Variants in SGCE observed in about 807,000 individuals in gnomAD.
SGCE encodes the protein sarcoglycan epsilon, also known as epsilon-sarcoglycan.
In SGCE, 26 loss-of-function variants were observed where a neutral mutation model predicts 57.8. That is an observed-to-expected ratio of 0.45 (90% CI 0.33 to 0.62). SGCE has a LOEUF of 0.62. Ranked by LOEUF, SGCE falls within the 20% of genes least tolerant of loss-of-function variation. SGCE has a pLI of 0.02. For missense variants in SGCE, 468 were observed against 548.6 expected (o/e 0.85, Z 1.47); for synonymous variants, 183 against 189.5 (o/e 0.97, Z 0.28).
intron 10 of SGCE, chr7:94,588,472 T>C (rs796882700): frequency 7.3e-7 from 1 of 1,368,478 alleles, no homozygotes; most frequent in African/African-American, 1.5e-5. Context: ...ATGGATGCTT[T>C]TGCTCTAAGA....
At chr7:94,625,180 A>G (rs1191018288) in intron 3 of SGCE, 1 of 152,026 alleles carries the variant, frequency 6.6e-6, no homozygotes, top group Non-Finnish European at 1.5e-5. Flanking sequence ...TAAATATTTC[A>G]GATAAAAATC....
chr7:94,597,075 C>T (rs1219642523), intron 9 of SGCE: 1 of 151,944 alleles, frequency 6.6e-6, no homozygotes, highest in Non-Finnish European at 1.5e-5. Flanking sequence ...TTTATGATGA[C>T]CCATAATAGG....
intron 2 of SGCE, 49 bp downstream of exon 2, chr7:94,629,670 C>A: frequency 6.3e-7 from 1 of 1,597,538 alleles, no homozygotes; most frequent in East Asian, 2.2e-5. Context: ...GCAAATTAAA[C>A]AAAAAATTTA....
At chr7:94,601,805 C>T (rs1053783070) in intron 6 of SGCE, among the ~76,000 whole-genome samples, 6 of 152,006 alleles carry the variant, frequency 3.9e-5, no homozygotes, top group African/African-American at 1.2e-4. Flanking sequence ...TGCACATTGG[C>T]GGCTTGTTGT....
Position 94,614,106 on chromosome 7 carries a change from TCA to T in SGCE, c.662+4650_662+4651del, listed in dbSNP as rs1491118380. ...TAATTTTCTTGTACCCAAATTGAAATCAAAAAAAAAAAAAAAAAAAAAAACAC... is the reference window on the plus strand; with the variant it reads ...TAATTTTCTTGTACCCAAATTGAAATAAAAAAAAAAAAAAAAAAAAAACAC... On this transcript the variant is annotated intron_variant, in intron 5 of 10. Coordinates refer to ENST00000648936, the MANE Select transcript of SGCE (RefSeq NM_003919.3). Among the ~76,000 whole-genome samples the T allele has an allele frequency of 1.7e-3, 94 of 55,134 alleles. 1 individual carries two copies. The highest frequency in any genetic ancestry group is 2.3e-3 in the African/African-American group (27 of 11,576). The allele number at this position is 55,134 out of a possible 152,430, so 36.2% of individuals were successfully genotyped here.
intron 5 of SGCE, chr7:94,617,619 T>C (rs1802123285): frequency 3.3e-5 from 5 of 152,066 alleles, no homozygotes; most frequent in Admixed American, 3.3e-4. Context: ...TGTTTTCATA[T>C]AGAAAGCCAA....
At chr7:94,619,582 C>T (rs968313200) in intron 4 of SGCE, 2 of 152,234 alleles carry the variant, frequency 1.3e-5, no homozygotes, top group African/African-American at 4.8e-5. Flanking sequence ...TACTCAAATG[C>T]TACTCTTCAA....
intron 6 of SGCE, 118 bp from the exon 7 acceptor site, chr7:94,600,975 ATTAC>A: frequency 1.2e-6 from 1 of 847,894 alleles, no homozygotes; most frequent in Non-Finnish European, 1.9e-6. Flanking sequence ...ATCTTTTCCA[ATTAC>A]TTTATCACCT....
rs535464571 is a variant in SGCE, at chr7:94,630,476, A to G, written c.110-635T>C. Among the ~76,000 whole-genome samples the G allele has an allele frequency of 6.9e-4, 105 of 152,002 alleles. 1 individual carries two copies. Among genetic ancestry groups the G allele is most frequent in the African/African-American group, 2.5e-3 (104 of 41,528 alleles). ...GATATTTAATAATTCAAACAATATA[A>G]TCTATTATATTATGCTGCATCCTAA... is the stretch of plus-strand genomic sequence containing the variant. On this transcript the variant is annotated intron_variant, in intron 1 of 10. Coordinates refer to ENST00000648936, the MANE Select transcript of SGCE (RefSeq NM_003919.3).
At chr7:94,596,940 A>G (rs902994338) in intron 9 of SGCE, among the ~76,000 whole-genome samples, 1 of 152,192 alleles carries the variant, frequency 6.6e-6, no homozygotes, top group Non-Finnish European at 1.5e-5. Context: ...TTGAAAATGA[A>G]TGATAAAGCC....
intron 10 of SGCE, 56 bp downstream of exon 10, chr7:94,588,633 T>A (rs991143311): frequency 5.8e-6 from 9 of 1,557,796 alleles, no homozygotes; most frequent in Non-Finnish European, 6.2e-6. Flanking sequence ...GCCATAATTA[T>A]CTTTTAATCT....
intron 5 of SGCE, among the ~76,000 whole-genome samples, chr7:94,612,801 A>G (rs1801259128): frequency 6.6e-6 from 1 of 151,988 alleles, no homozygotes; most frequent in South Asian, 2.1e-4. Context: ...TCCTCCTTCT[A>G]TCTTCTTCTC....
chr7:94,644,339 C>T (rs1344977309), intron 1 of SGCE, among the ~76,000 whole-genome samples: 2 of 152,172 alleles, frequency 1.3e-5, no homozygotes, highest in African/African-American at 4.8e-5. Flanking sequence ...AGTCTTGTAG[C>T]GGCATGACTA....
chr7:94,636,610 G>GA (rs1805620853), intron 1 of SGCE, among the ~76,000 whole-genome samples: 1 of 151,934 alleles, frequency 6.6e-6, no homozygotes, highest in African/African-American at 2.4e-5. Flanking sequence ...CCATTCCAGG[G>GA]AAAAAAAGAA....
chr7:94,616,647 A>AT (rs1386220975), intron 5 of SGCE, among the ~76,000 whole-genome samples: 3 of 152,122 alleles, frequency 2.0e-5, no homozygotes, highest in Non-Finnish European at 2.9e-5. Context: ...TAAGCATTGG[A>AT]TTTTTTTTCT....
At chr7:94,625,055 T>C (rs1238633384) in intron 3 of SGCE, 1 of 152,040 alleles carries the variant, frequency 6.6e-6, no homozygotes, top group Non-Finnish European at 1.5e-5. Flanking sequence ...TTACTTATTA[T>C]GATGATGTGA....
At chr7:94,587,011 A>G in intron 10 of SGCE, 1 of 983,224 alleles carries the variant, frequency 1.0e-6, no homozygotes, top group Non-Finnish European at 1.2e-6. Flanking sequence ...GAAAACAAGA[A>G]GGTAATAGGC....
At chr7:94,603,047 C>G (rs1399705691) in intron 6 of SGCE, among the ~76,000 whole-genome samples, 1 of 152,116 alleles carries the variant, frequency 6.6e-6, no homozygotes, top group African/African-American at 2.4e-5. Flanking sequence ...TCATTTGGAC[C>G]ACCTGCCAAG....
chr7:94,605,037 A>G (rs1185113254), intron 5 of SGCE, among the ~76,000 whole-genome samples: 1 of 151,544 alleles, frequency 6.6e-6, no homozygotes, highest in Non-Finnish European at 1.5e-5. Context: ...CCTGACCACC[A>G]TATTACTAAA....
Sources: gnomAD v4.1 joint callset for allele counts (sites outside exome capture counted in the v4.1 genomes callset) on GRCh38, gnomAD v4.1.1 for gene constraint, MANE v1.5 for transcripts, NCBI Gene and HGNC (gene_info 2026-07-23, HGNC 2026-07-21) for gene names.